Variants in LZIC observed in about 807,000 individuals in gnomAD.
LZIC encodes the protein leucine zipper and CTNNBIP1 domain containing.
A neutral mutation model predicts 25.4 loss-of-function variants in LZIC; 28 were observed. The ratio of observed to expected loss-of-function variants is 1.10; its 90% CI spans 0.82 to 1.51. The LOEUF (loss-of-function observed/expected upper bound fraction) is 1.51. Ranked by LOEUF, LZIC falls within the 40% of genes most tolerant of loss-of-function variation. The probability of loss-of-function intolerance (pLI) is 0.00; values close to 1 mark genes in which losing one functional copy is unlikely to be tolerated. For synonymous variants in LZIC, 65 were observed against 70.7 expected (o/e 0.92, Z 0.40); for missense variants, 170 against 211.1 (o/e 0.81, Z 1.21).
intron 6 of LZIC, 97 bp from the exon 7 acceptor site, chr1:9,932,069 T>C: frequency 4.4e-6 from 2 of 450,654 alleles, no homozygotes; most frequent in Non-Finnish European, 3.8e-6. Flanking sequence ...GCACCGTGGC[T>C]CACGCCTGTA....
intron 2 of LZIC, among the ~76,000 whole-genome samples, chr1:9,940,570 G>A (rs540542885): frequency 1.9e-4 from 29 of 148,904 alleles, no homozygotes; most frequent in Admixed American, 4.7e-4. Context: ...CGCCCGCCTC[G>A]GCCTCCCAAA....
intron 2 of LZIC, among the ~76,000 whole-genome samples, chr1:9,941,397 G>T (rs1640724904): frequency 6.6e-6 from 1 of 151,584 alleles, no homozygotes; most frequent in African/African-American, 2.4e-5. Context: ...GTTTCACCAT[G>T]TTGGCCAGGC....
In LZIC at chr1:9,935,758, T is replaced by C. The variant is rs948988272; in HGVS notation, c.102-131A>G. 6 of 804,404 alleles carry C rather than the reference T, an allele frequency of 7.5e-6. No homozygotes were observed. In the African/African-American group the frequency reaches 1.1e-4, roughly 14 times the overall value. The allele number at this position is 804,404 out of a possible 1,614,324, so 49.8% of individuals were successfully genotyped here. A position where few individuals can be genotyped will look rare whatever the true frequency, so the allele number is the denominator to read the frequency against. On this transcript the variant is annotated intron_variant, in intron 3 of 7. Coordinates refer to ENST00000377223, the MANE Select transcript of LZIC (RefSeq NM_032368.5). Reference sequence around the variant, plus strand: ...GCTGATGGTGAATGTGTTCACATAGTAGTAGTGAGGGCATTTTCCTGCAAT... The same window carrying C: ...GCTGATGGTGAATGTGTTCACATAGCAGTAGTGAGGGCATTTTCCTGCAAT...
At chr1:9,925,629 G>A (rs1385050570), downstream of LZIC, among the ~76,000 whole-genome samples, 8 of 151,966 alleles carry the variant, frequency 5.3e-5, no homozygotes, top group African/African-American at 1.4e-4. Flanking sequence ...CTCCTCTGTC[G>A]CCCAGGCTGG....
At chr1:9,933,845 C>T (rs756283704) in intron 5 of LZIC, among the ~76,000 whole-genome samples, 12 of 151,978 alleles carry the variant, frequency 7.9e-5, no homozygotes, top group Middle Eastern at 3.4e-3. Flanking sequence ...ACAGAGGCTA[C>T]AGTGAGCCGA....
At chr1:9,931,111 G>T (rs1236539847) in intron 7 of LZIC, among the ~76,000 whole-genome samples, 1 of 151,970 alleles carries the variant, frequency 6.6e-6, no homozygotes, top group Non-Finnish European at 1.5e-5. Flanking sequence ...CTGTCACCCA[G>T]GCTGGAGTAC....
chr1:9,927,318 C>CT lies in LZIC; in HGVS notation c.*3080dup, dbSNP rs894339060. Among the ~76,000 whole-genome samples, 1 of 151,910 alleles carries CT rather than the reference C, an allele frequency of 6.6e-6. No homozygotes were observed. The highest frequency in any genetic ancestry group is 2.4e-5 in the African/African-American group (1 of 41,374). ...TCCAGATTCAGGTAACTCTCTTTAT[C>CT]TTTTTTTTAGACAGGGGTCTCACTT... On this transcript the variant is annotated 3_prime_UTR_variant, in exon 8 of 8. Transcript: ENST00000377223.
At position 9,929,837 on chromosome 1, in the gene LZIC, G is replaced by T; in HGVS notation, c.*562C>A. 3.1e-6 allele frequency: 3 copies of T among 983,036 alleles called. No individual in the cohort carries two copies. Among genetic ancestry groups the T allele is most frequent in the Non-Finnish European group, 3.6e-6 (3 of 827,864 alleles). 60.9% of individuals were successfully genotyped at this position (983,036 alleles called of 1,614,324 possible). On this transcript the variant is annotated 3_prime_UTR_variant, in exon 8 of 8. Transcript: ENST00000377223. ...ATAAAATTCAAAAGATACTAAACTG[G>T]GAGTCAGGACACCTGAGTCTTACCC...
At position 9,929,395 on chromosome 1, in the gene LZIC, G is replaced by A; in HGVS notation, c.*1004C>T. 1.0e-6 allele frequency: 1 copy of A among 985,196 alleles called. No homozygotes were observed. Among genetic ancestry groups the A allele is most frequent in the Non-Finnish European group, 1.2e-6 (1 of 829,742 alleles). The allele number at this position is 985,196 out of a possible 1,614,324, so 61.0% of individuals were successfully genotyped here. The stretch of plus-strand genomic sequence containing the variant: ...AAAAATAAGCTAATATACACGCATA[G>A]GGACACATCTGCATATTTGAGCATA... On this transcript the variant is annotated 3_prime_UTR_variant, in exon 8 of 8. Transcript: ENST00000377223.
At chr1:9,934,601 T>G (rs1390962448) in intron 5 of LZIC, among the ~76,000 whole-genome samples, 161 bp downstream of exon 5, 2 of 152,206 alleles carry the variant, frequency 1.3e-5, no homozygotes, top group Admixed American at 6.6e-5. Context: ...AGCTCTACAT[T>G]CATTATCAAC....
chr1:9,940,492 T>C (rs1354170500), intron 2 of LZIC, among the ~76,000 whole-genome samples: 1 of 151,438 alleles, frequency 6.6e-6, no homozygotes, highest in African/African-American at 2.4e-5. Flanking sequence ...TTTTTGTATA[T>C]TTTTTTTAGT....
At position 9,929,491 on chromosome 1, in the gene LZIC, T is replaced by C; in HGVS notation, c.*908A>G. The C allele has an allele frequency of 1.0e-6, 1 of 985,286 alleles. No homozygotes were observed. Among genetic ancestry groups the C allele is most frequent in the Non-Finnish European group, 1.2e-6 (1 of 829,916 alleles). 61.0% of individuals were successfully genotyped at this position (985,286 alleles called of 1,614,324 possible). A position where few individuals can be genotyped will look rare whatever the true frequency, so the allele number is the denominator to read the frequency against. On this transcript the variant is annotated 3_prime_UTR_variant, in exon 8 of 8. Coordinates refer to ENST00000377223, the MANE Select transcript of LZIC (RefSeq NM_032368.5). ...ACTTATTTTGTGTTTCTCCAAAACC[T>C]GAAGAGTAGATAACAGCTGACAGTT...
chr1:9,922,328 A>T, downstream of LZIC: 1 of 985,372 alleles, frequency 1.0e-6, no homozygotes, highest in Non-Finnish European at 1.2e-6. Flanking sequence ...GTGTGAGTCT[A>T]GCAGGTAGTT....
intron 7 of LZIC, among the ~76,000 whole-genome samples, chr1:9,931,302 G>A (rs1180224711): frequency 2.0e-5 from 3 of 151,430 alleles, no homozygotes; most frequent in East Asian, 1.9e-4. Context: ...TCGCTCTGTC[G>A]CCCAGGCTGG....
chr1:9,940,918 G>C (rs1217506613), intron 2 of LZIC, among the ~76,000 whole-genome samples: 1 of 152,148 alleles, frequency 6.6e-6, no homozygotes, highest in African/African-American at 2.4e-5. Flanking sequence ...GAATTTTCCA[G>C]TAAAAGTCAA....
chr1:9,925,157 C>CAA (rs35578033), downstream of LZIC, among the ~76,000 whole-genome samples: 782 of 101,302 alleles, frequency 7.7e-3, 7 homozygotes, highest in African/African-American at 0.023. Flanking sequence ...ACTAAAAATA[C>CAA]AAAAAAAAAA....
At chr1:9,943,060 G>A (rs1640842047) in intron 1 of LZIC, 189 bp downstream of exon 1, 2 of 277,528 alleles carry the variant, frequency 7.2e-6, no homozygotes, top group South Asian at 3.4e-5. Flanking sequence ...CCTTGAAAGT[G>A]AGGAGGGTTT....
At chr1:9,930,584 G>A (rs1640166162) in intron 7 of LZIC, 127 bp from the exon 8 acceptor site, 1 of 1,330,104 alleles carries the variant, frequency 7.5e-7, no homozygotes, top group African/African-American at 1.5e-5. Context: ...CATTATCAGT[G>A]TATTAACCCC....
intron 2 of LZIC, among the ~76,000 whole-genome samples, chr1:9,939,929 G>A (rs1369972645): frequency 6.6e-6 from 1 of 151,998 alleles, no homozygotes; most frequent in Non-Finnish European, 1.5e-5. Flanking sequence ...GACCAGCCTG[G>A]CCGACACGGC....
Sources: allele counts gnomAD v4.1 joint callset (sites outside exome capture counted in the v4.1 genomes callset), GRCh38; gene constraint gnomAD v4.1.1; transcripts MANE v1.5; gene names NCBI Gene and HGNC (gene_info 2026-07-23, HGNC 2026-07-21).